UBE2E1: variants seen among roughly 807,000 people sequenced by gnomAD.
UBE2E1 encodes the protein ubiquitin conjugating enzyme E2 E1.
UBE2E1 carries 6 observed loss-of-function variants against 21.4 expected under a neutral mutation model. The observed-to-expected ratio is 0.28, with a 90% CI of 0.15 to 0.55. The LOEUF (loss-of-function observed/expected upper bound fraction) is 0.55. UBE2E1 is among the 20% of genes least tolerant of loss of function. UBE2E1 has a pLI of 0.93. For synonymous variants in UBE2E1, 87 were observed against 82.7 expected, an observed-to-expected ratio of 1.05 and a Z score of -0.28; for missense variants, 142 against 236.5, an observed-to-expected ratio of 0.60 and a Z score of 2.62.
At chr3:23,873,160 C>G (rs1165533007) in intron 3 of UBE2E1, among the ~76,000 whole-genome samples, 1 of 149,050 alleles carries the variant, frequency 6.7e-6, no homozygotes, top group South Asian at 2.2e-4. Flanking sequence ...GGTGTAGATT[C>G]AGGAAAATCT....
At chr3:23,818,672 C>G (rs1237274868) in intron 3 of UBE2E1, among the ~76,000 whole-genome samples, 1 of 152,186 alleles carries the variant, frequency 6.6e-6, no homozygotes, top group African/African-American at 2.4e-5. Flanking sequence ...CACATTGAAT[C>G]TGAGGTGGCC....
At chr3:23,846,174 G>A (rs1268370655) in intron 3 of UBE2E1, among the ~76,000 whole-genome samples, 1 of 152,208 alleles carries the variant, frequency 6.6e-6, no homozygotes, top group Non-Finnish European at 1.5e-5. Context: ...TGGTCAGGAA[G>A]GGATAATTAA....
intron 3 of UBE2E1, among the ~76,000 whole-genome samples, chr3:23,841,224 A>G (rs896728704): frequency 1.3e-5 from 2 of 152,236 alleles, no homozygotes; most frequent in Admixed American, 1.3e-4. Context: ...CTCGTCTTAA[A>G]TGGCTATGTT....
At chr3:23,841,727 C>T (rs1485933908) in intron 3 of UBE2E1, among the ~76,000 whole-genome samples, 2 of 152,224 alleles carry the variant, frequency 1.3e-5, no homozygotes, top group African/African-American at 4.8e-5. Flanking sequence ...AACAATCCCA[C>T]ATGACTATTA....
Position 23,889,225 on chromosome 3 carries a change from T to TTCTA in UBE2E1, c.454_457dup (p.Cys153TyrfsTer9). ...CACTAACCATTTCTAAAGTCCTCCTTTCTATCTGCTCACTTCTTACAGACT... is the reference window on the plus strand; with the variant it reads ...CACTAACCATTTCTAAAGTCCTCCTTTCTATCTATCTGCTCACTTCTTACAGACT... On this transcript the variant is annotated frameshift_variant, in exon 5 of 6. Coordinates refer to ENST00000306627, the MANE Select transcript of UBE2E1 (RefSeq NM_003341.5). LOFTEE classifies it high-confidence loss of function. The TTCTA allele has an allele frequency of 6.2e-7, 1 of 1,613,902 alleles. No homozygotes were observed. Among genetic ancestry groups the TTCTA allele is most frequent in the Non-Finnish European group, 8.5e-7 (1 of 1,179,962 alleles).
intron 3 of UBE2E1, among the ~76,000 whole-genome samples, chr3:23,844,876 AAC>A: frequency 1.3e-5 from 2 of 152,288 alleles, no homozygotes; most frequent in East Asian, 3.9e-4. Context: ...TGGTAAGGTA[AAC>A]AGACCAATGA....
rs1553637704 is a variant in UBE2E1 at position 23,842,198 on chromosome 3, G to GGGGTGT, written c.203+30689_203+30690insGGTGTG. Among the ~76,000 whole-genome samples, 1,100 of 104,364 alleles carry GGGGTGT rather than the reference G, an allele frequency of 0.011. 32 individuals are homozygous for GGGGTGT. The highest frequency in any genetic ancestry group is 0.026 in the East Asian group (86 of 3,372). The allele number at this position is 104,364 out of a possible 152,430, so 68.5% of individuals were successfully genotyped here. ...TATGTCATGACCCAGTAAGTGAAGG[G>GGGGTGT]GTGTGTGTGTGTGTGTGTGTGTGTG... On this transcript the variant is annotated intron_variant, in intron 3 of 5. Coordinates refer to ENST00000306627, the MANE Select transcript of UBE2E1 (RefSeq NM_003341.5). The surrounding 1 kb of genome is among the most constrained non-coding windows in gnomAD (Gnocchi z 4.6).
chr3:23,889,674 C>T, intron 5 of UBE2E1: 1 of 985,372 alleles, frequency 1.0e-6, no homozygotes, highest in South Asian at 4.7e-5. Context: ...ACTGAGATGG[C>T]ACTCAATTTT....
At chr3:23,881,416 T>C (rs1458499181) in intron 3 of UBE2E1, among the ~76,000 whole-genome samples, 3 of 152,232 alleles carry the variant, frequency 2.0e-5, no homozygotes, top group African/African-American at 4.8e-5. Flanking sequence ...GTGAAAGGTA[T>C]AGGCATGGTC....
At position 23,853,634 on chromosome 3, in the gene UBE2E1, G is replaced by C. The variant is rs1407964429; in HGVS notation, c.204-33933G>C. On this transcript the variant is annotated intron_variant, in intron 3 of 5. Coordinates refer to ENST00000306627, the MANE Select transcript of UBE2E1 (RefSeq NM_003341.5). The surrounding 1 kb of genome is among the most constrained non-coding windows in gnomAD (Gnocchi z 4.1). ...TCAGTCTTTAAATGCATATAGGAGA[G>C]TTGGAGGGGAGAGGAGACACTTGTC... 6.6e-6 allele frequency among the ~76,000 whole-genome samples: 1 copy of C among 152,128 alleles called. No homozygotes were observed. The highest frequency in any genetic ancestry group is 2.1e-4 in the South Asian group (1 of 4,828).
intron 3 of UBE2E1, among the ~76,000 whole-genome samples, chr3:23,815,935 A>G (rs1049355568): frequency 2.6e-5 from 4 of 152,164 alleles, no homozygotes; most frequent in African/African-American, 7.2e-5. Flanking sequence ...AATTGTGACA[A>G]CCAGGAGACT....
rs932156563 is a variant in UBE2E1, at chr3:23,836,392, A to G, written c.203+24882A>G. Among the ~76,000 whole-genome samples the G allele has an allele frequency of 5.3e-5, 8 of 152,228 alleles. No homozygotes were observed. The highest frequency in any genetic ancestry group is 1.5e-5 in the Non-Finnish European group (1 of 68,034). On this transcript the variant is annotated intron_variant, in intron 3 of 5. Coordinates refer to ENST00000306627, the MANE Select transcript of UBE2E1 (RefSeq NM_003341.5). This position sits in a 1 kb window ranked among gnomAD's most constrained non-coding sequence, Gnocchi z 4.1. Reference sequence around the variant, plus strand: ...AAACATCAGATGTCTTCCACATGCCATGTGCTGTACTGGGGAAGACATAAA... The same window carrying G: ...AAACATCAGATGTCTTCCACATGCCGTGTGCTGTACTGGGGAAGACATAAA...
intron 3 of UBE2E1, among the ~76,000 whole-genome samples, chr3:23,874,933 G>T (rs1050941343): frequency 1.3e-5 from 2 of 152,140 alleles, no homozygotes; most frequent in African/African-American, 4.8e-5. Context: ...CAGGCCAGAA[G>T]GGAAAGTGCG....
chr3:23,845,605 G>C (rs1700185385), intron 3 of UBE2E1, among the ~76,000 whole-genome samples: 1 of 150,088 alleles, frequency 6.7e-6, no homozygotes, highest in African/African-American at 2.4e-5. Context: ...GTGTGTGTGT[G>C]TGTGTGTGTG....
chr3:23,889,864 C>T, intron 5 of UBE2E1: 2 of 603,168 alleles, frequency 3.3e-6, no homozygotes, highest in Non-Finnish European at 4.2e-6. Context: ...CACTGCATTC[C>T]AGCCTGGGTG....
chr3:23,824,491 A>G (rs1699711273), intron 3 of UBE2E1, among the ~76,000 whole-genome samples: 1 of 152,204 alleles, frequency 6.6e-6, no homozygotes, highest in Non-Finnish European at 1.5e-5. Context: ...GGTTTGTTAT[A>G]GTCCAATTTT....
At chr3:23,875,858 C>T (rs532965629) in intron 3 of UBE2E1, among the ~76,000 whole-genome samples, 7 of 152,332 alleles carry the variant, frequency 4.6e-5, no homozygotes, top group African/African-American at 7.2e-5. Context: ...CTGCAGCCTC[C>T]GCCTCCCAGG....
At chr3:23,869,419 CTGTGTGTG>C (rs4024641) in intron 3 of UBE2E1, among the ~76,000 whole-genome samples, 6 of 132,564 alleles carry the variant, frequency 4.5e-5, no homozygotes, top group East Asian at 2.2e-4. Flanking sequence ...TGGTCTTTTC[CTGTGTGTG>C]TGTGTGTGTG....
At chr3:23,848,469 C>CA (rs36092258) in intron 3 of UBE2E1, among the ~76,000 whole-genome samples, 1,665 of 136,528 alleles carry the variant, frequency 0.012, 25 homozygotes, top group African/African-American at 0.037. Flanking sequence ...GACTCTGTCT[C>CA]AAAAAAAAAA....
Sources: allele counts gnomAD v4.1 joint callset (sites outside exome capture counted in the v4.1 genomes callset), GRCh38; gene constraint gnomAD v4.1.1; non-coding constraint Gnocchi (gnomAD v3.1); transcripts MANE v1.5; gene names NCBI Gene and HGNC (gene_info 2026-07-23, HGNC 2026-07-21).